CCDC171: variants seen among roughly 807,000 people sequenced by gnomAD.
CCDC171 encodes the protein coiled-coil domain-containing protein 171.
A neutral mutation model predicts 168.2 loss-of-function variants in CCDC171; 177 were observed. That is an observed-to-expected ratio of 1.05 (90% CI 0.93 to 1.19). The LOEUF (loss-of-function observed/expected upper bound fraction) is 1.19, where lower values mean the gene tolerates loss of function less well. Ranked by LOEUF, CCDC171 falls within the 50% of genes most tolerant of loss-of-function variation. The pLI, the probability that CCDC171 is intolerant of heterozygous loss-of-function variation, is 0.00. For missense variants in CCDC171, 1,991 were observed against 1,539.0 expected, an observed-to-expected ratio of 1.29 and a Z score of -4.91; for synonymous variants, 687 against 540.8, an observed-to-expected ratio of 1.27 and a Z score of -3.75.
At chr9:15,740,461 G>C (rs1315195469) in intron 16 of CCDC171, among the ~76,000 whole-genome samples, 1 of 151,754 alleles carries the variant, frequency 6.6e-6, no homozygotes, top group Non-Finnish European at 1.5e-5. Flanking sequence ...GTGAGACAGA[G>C]TCTTGCTCTG....
chr9:15,910,751 A>G (rs202198757), intron 24 of CCDC171, among the ~76,000 whole-genome samples: 1 of 151,034 alleles, frequency 6.6e-6, no homozygotes, highest in Non-Finnish European at 1.5e-5. Flanking sequence ...CTGTGCCCAT[A>G]TGTTCTCATT....
upstream of CCDC171, among the ~76,000 whole-genome samples, chr9:16,042,457 T>G (rs1246596758): frequency 2.6e-5 from 4 of 152,164 alleles, no homozygotes; most frequent in South Asian, 6.2e-4. Context: ...TTGAAGGCGT[T>G]TTGCTCCCCA....
chr9:16,103,781 C>A, the CCDC171 span, among the ~76,000 whole-genome samples: 1 of 152,152 alleles, frequency 6.6e-6, no homozygotes, highest in Non-Finnish European at 1.5e-5. Context: ...ACCTGACAAG[C>A]GGCGAGGGGG....
chr9:15,750,584 C>T (rs546535954), intron 18 of CCDC171, among the ~76,000 whole-genome samples: 4 of 151,326 alleles, frequency 2.6e-5, no homozygotes, highest in East Asian at 1.9e-4. Context: ...ACTGGCAAAC[C>T]GAATCCAGCA....
At chr9:15,598,899 T>A in intron 6 of CCDC171, among the ~76,000 whole-genome samples, 1 of 152,120 alleles carries the variant, frequency 6.6e-6, no homozygotes, top group Non-Finnish European at 1.5e-5. Flanking sequence ...TTTACCATTA[T>A]GTAATGGCCT....
intron 18 of CCDC171, among the ~76,000 whole-genome samples, chr9:15,756,483 C>G (rs946218219): frequency 2.6e-5 from 4 of 151,946 alleles, no homozygotes; most frequent in African/African-American, 9.7e-5. Flanking sequence ...ATTCTGTCAC[C>G]CAGGTAGTGA....
At chr9:16,052,648 C>T (rs1277591334) in intron 1 of CCDC171, among the ~76,000 whole-genome samples, 2 of 152,174 alleles carry the variant, frequency 1.3e-5, no homozygotes, top group East Asian at 1.9e-4. Context: ...TGGGCCTCCC[C>T]AGCCAGGGCC....
At position 15,729,522 on chromosome 9, in the gene CCDC171, A is replaced by G. The variant is rs368926647; in HGVS notation, c.1861-88A>G. On this transcript the variant is annotated intron_variant, in intron 15 of 25. Coordinates refer to ENST00000380701, the MANE Select transcript of CCDC171 (RefSeq NM_173550.4). Reference sequence around the variant, plus strand: ...ATGATCTTAAGGAATAAAATATAGTAGGACATTTTGGGTATTTTATTGGGG... The same window carrying G: ...ATGATCTTAAGGAATAAAATATAGTGGGACATTTTGGGTATTTTATTGGGG... 5.8e-5 allele frequency: 41 copies of G among 706,026 alleles called. No individual in the cohort carries two copies. In the South Asian group the frequency reaches 1.3e-3, roughly 22 times the overall value. The allele number at this position is 706,026 out of a possible 1,614,324, so 43.7% of individuals were successfully genotyped here.
At chr9:15,778,521 C>T (rs183613543) in intron 19 of CCDC171, among the ~76,000 whole-genome samples, 98 of 151,138 alleles carry the variant, frequency 6.5e-4, no homozygotes, top group Non-Finnish European at 1.2e-3. Flanking sequence ...TGCCTCATGC[C>T]TCTAATCCCA....
At chr9:15,859,435 A>G (rs7856304) in intron 23 of CCDC171, among the ~76,000 whole-genome samples, 6,470 of 151,656 alleles carry the variant, frequency 0.043, 332 homozygotes, top group South Asian at 0.11. Flanking sequence ...TCCTTTTCAA[A>G]TTTTTTGGAG....
At chr9:15,792,531 C>G (rs2058323049) in intron 21 of CCDC171, among the ~76,000 whole-genome samples, 2 of 152,056 alleles carry the variant, frequency 1.3e-5, no homozygotes, top group Admixed American at 1.3e-4. Flanking sequence ...TCAGATTCAC[C>G]AAAGTTGAAA....
At chr9:15,663,491 G>A (rs901798258) in intron 8 of CCDC171, among the ~76,000 whole-genome samples, 7 of 151,062 alleles carry the variant, frequency 4.6e-5, no homozygotes, top group Non-Finnish European at 8.8e-5. Flanking sequence ...ACTTATTTAC[G>A]CCAAATGTAG....
intron 21 of CCDC171, among the ~76,000 whole-genome samples, chr9:15,800,771 T>C (rs1002974608): frequency 2.6e-5 from 4 of 152,146 alleles, no homozygotes; most frequent in Admixed American, 2.0e-4. Context: ...CTTTAATCCA[T>C]TGTGGTTTTA....
At chr9:15,883,088 G>A (rs775482000) in intron 24 of CCDC171, 1 of 403,940 alleles carries the variant, frequency 2.5e-6, no homozygotes, top group South Asian at 1.7e-5. Flanking sequence ...GAGTGCAGTG[G>A]TGTGATCATA....
At chr9:15,599,481 C>G (rs1454401161) in intron 6 of CCDC171, among the ~76,000 whole-genome samples, 3 of 152,172 alleles carry the variant, frequency 2.0e-5, no homozygotes, top group South Asian at 2.1e-4. Flanking sequence ...TTGGCCCCCA[C>G]TCTCTCCTGG....
At chr9:15,828,230 A>T (rs2060093981) in intron 21 of CCDC171, among the ~76,000 whole-genome samples, 1 of 152,114 alleles carries the variant, frequency 6.6e-6, no homozygotes, top group Non-Finnish European at 1.5e-5. Context: ...AAAGTGTTAA[A>T]GATTTAAAAA....
At chr9:15,649,765 A>G (rs142794315) in intron 7 of CCDC171, among the ~76,000 whole-genome samples, 1,797 of 152,320 alleles carry the variant, frequency 0.012, 38 homozygotes, top group African/African-American at 0.041. Context: ...GCTAGAGAGG[A>G]TGTGGAGAAA....
chr9:15,983,068 T>G (rs1012118345), intron 3 of CCDC171, among the ~76,000 whole-genome samples: 2 of 152,204 alleles, frequency 1.3e-5, no homozygotes, highest in African/African-American at 4.8e-5. Context: ...TATGGACTTG[T>G]GTTTGCTTCT....
At chr9:15,576,107 A>G (rs2040635181) in intron 3 of CCDC171, among the ~76,000 whole-genome samples, 2 of 100,728 alleles carry the variant, frequency 2.0e-5, no homozygotes, top group African/African-American at 3.7e-5. Flanking sequence ...AAAAAAAATT[A>G]TAGCTACATA....
Sources: gnomAD v4.1 joint callset for allele counts (sites outside exome capture counted in the v4.1 genomes callset) on GRCh38, gnomAD v4.1.1 for gene constraint, MANE v1.5 for transcripts, NCBI Gene and HGNC (gene_info 2026-07-23, HGNC 2026-07-21) for gene names.